The following VWA3B variants were observed in gnomAD, a reference collection of about 807,000 sequenced individuals.
VWA3B encodes von Willebrand factor A domain-containing protein 3B.
In VWA3B, 138 loss-of-function variants were observed where a neutral mutation model predicts 158.3. The ratio of observed to expected loss-of-function variants is 0.87; its 90% CI spans 0.76 to 1.00. The LOEUF (loss-of-function observed/expected upper bound fraction) is 1.00, where lower values mean the gene tolerates loss of function less well. Among genes scored for constraint, VWA3B ranks in the 50% least tolerant of loss-of-function variants. The pLI is 0.00. For missense variants in VWA3B, 1,555 were observed against 1,565.1 expected (o/e 0.99, Z 0.11); for synonymous variants, 596 against 587.3 (o/e 1.01, Z -0.21).
intron 7 of VWA3B, 61 bp from the exon 8 acceptor site, chr2:98,162,790 C>A: frequency 6.3e-7 from 1 of 1,593,274 alleles, no homozygotes; most frequent in Non-Finnish European, 8.5e-7. Flanking sequence ...GCCTGCTAGG[C>A]GGGCTGCCAC....
At chr2:98,172,123 C>T (rs926265086) in intron 8 of VWA3B, among the ~76,000 whole-genome samples, 2 of 152,212 alleles carry the variant, frequency 1.3e-5, no homozygotes, top group African/African-American at 2.4e-5. Flanking sequence ...TCTACCTTGT[C>T]GCAAGGACAG....
intron 19 of VWA3B, among the ~76,000 whole-genome samples, chr2:98,241,403 CAG>C (rs1686062014): frequency 6.6e-6 from 1 of 151,738 alleles, no homozygotes; most frequent in Non-Finnish European, 1.5e-5. Flanking sequence ...AGCTGGCACA[CAG>C]AGAATAGTTG....
chr2:98,147,220 T>A (rs1350167282), intron 7 of VWA3B, among the ~76,000 whole-genome samples: 1 of 152,194 alleles, frequency 6.6e-6, no homozygotes. Context: ...TTTCTAATTA[T>A]TGGACCAGGG....
chr2:98,162,161 C>T (rs187442222), intron 7 of VWA3B, among the ~76,000 whole-genome samples: 4 of 143,138 alleles, frequency 2.8e-5, no homozygotes, highest in Middle Eastern at 3.4e-3. Flanking sequence ...CATTTCCCCC[C>T]GGCCCACCCG....
At chr2:98,172,426 G>C (rs996848782) in intron 8 of VWA3B, among the ~76,000 whole-genome samples, 2 of 152,152 alleles carry the variant, frequency 1.3e-5, no homozygotes, top group African/African-American at 4.8e-5. Flanking sequence ...TTCCTCCTCC[G>C]ATATGCTCCT....
intron 7 of VWA3B, among the ~76,000 whole-genome samples, chr2:98,134,195 C>A (rs1352482253): frequency 6.6e-6 from 1 of 152,202 alleles, no homozygotes; most frequent in African/African-American, 2.4e-5. Context: ...AGATGTGGCC[C>A]TGGGCCTGTC....
intron 9 of VWA3B, among the ~76,000 whole-genome samples, chr2:98,185,945 A>C (rs753220247): frequency 3.9e-5 from 6 of 152,128 alleles, no homozygotes; most frequent in African/African-American, 7.2e-5. Context: ...TCAATTCCTC[A>C]GTCGAGTTGT....
Position 98,181,013 on chromosome 2 carries a change from C to T in VWA3B, c.1115-3C>T, listed in dbSNP as rs1378484246. ...GAATGGCTGACAAGCTGTGATTCTA[C>T]AGAGTCAGAAACAACCTCTGTTGAG... On this transcript the variant is annotated splice_polypyrimidine_tract_variant and splice_region_variant and intron_variant, in intron 8 of 27. Coordinates refer to ENST00000477737, the MANE Select transcript of VWA3B (RefSeq NM_144992.5). The T allele has an allele frequency of 1.9e-6, 3 of 1,613,644 alleles. No homozygotes were observed. In the Admixed American group the frequency reaches 5.0e-5, roughly 27 times the overall value.
chr2:98,157,770 G>A (rs995356108), intron 7 of VWA3B, among the ~76,000 whole-genome samples: 6 of 152,214 alleles, frequency 3.9e-5, no homozygotes, highest in Non-Finnish European at 8.8e-5. Flanking sequence ...GAGTCCTGGG[G>A]TTGGGCAGGG....
At chr2:98,265,107 T>C (rs1574231830) in intron 21 of VWA3B, among the ~76,000 whole-genome samples, 1 of 151,830 alleles carries the variant, frequency 6.6e-6, no homozygotes, top group South Asian at 2.1e-4. Flanking sequence ...GTTAGTTACA[T>C]ATGTATACAT....
intron 10 of VWA3B, among the ~76,000 whole-genome samples, chr2:98,191,249 A>G (rs1681546552): frequency 6.6e-6 from 1 of 152,176 alleles, no homozygotes; most frequent in Non-Finnish European, 1.5e-5. Context: ...CTTTTTGACC[A>G]TATGGGTTAT....
At position 98,179,279 on chromosome 2, in the gene VWA3B, G is replaced by A. The variant is rs145053070; in HGVS notation, c.1115-1737G>A. ...AAGTTTCGAGTCATCTGGAAAAATA[G>A]TTTTCTGCTTGTGTGATATGCTGGC... On this transcript the variant is annotated intron_variant, in intron 8 of 27. Coordinates refer to ENST00000477737, the MANE Select transcript of VWA3B (RefSeq NM_144992.5). 2.2e-4 allele frequency: 104 copies of A among 471,202 alleles called. 1 individual carries two copies. Among genetic ancestry groups the A allele is most frequent in the African/African-American group, 2.0e-3 (98 of 50,208 alleles). 29.2% of individuals were successfully genotyped at this position (471,202 alleles called of 1,614,324 possible).
At chr2:98,179,240 T>G (rs1339886566) in intron 8 of VWA3B, 2 of 471,110 alleles carry the variant, frequency 4.2e-6, no homozygotes, top group Non-Finnish European at 8.8e-6. Flanking sequence ...TCATTCTCCC[T>G]TAGGTGCTGT....
At chr2:98,279,932 G>A (rs1036808195) in intron 22 of VWA3B, among the ~76,000 whole-genome samples, 2 of 152,226 alleles carry the variant, frequency 1.3e-5, no homozygotes, top group African/African-American at 4.8e-5. Context: ...AGGAGTGGAT[G>A]TCTTGAAAAG....
At chr2:98,212,170 T>A in intron 13 of VWA3B, 142 bp downstream of exon 13, 1 of 613,686 alleles carries the variant, frequency 1.6e-6, no homozygotes, top group South Asian at 2.3e-5. Context: ...AGATCTGAGG[T>A]GAGAAAATAC....
chr2:98,206,918 T>G (rs1422138598), intron 12 of VWA3B: 1 of 446,028 alleles, frequency 2.2e-6, no homozygotes, highest in African/African-American at 2.0e-5. Flanking sequence ...GTTGTCAACT[T>G]AAAAAATGTT....
At position 98,234,691 on chromosome 2, in the gene VWA3B, C is replaced by T; in HGVS notation, c.2352C>T (p.Leu784=). The T allele has an allele frequency of 6.2e-7, 1 of 1,614,242 alleles. No individual in the cohort carries two copies. Among genetic ancestry groups the T allele is most frequent in the Non-Finnish European group, 8.5e-7 (1 of 1,180,032 alleles). The change falls in exon 17 of 28, where the codon CTC becomes CTT. Residue 784 remains leucine (L), a synonymous_variant. Coordinates refer to ENST00000477737, the MANE Select transcript of VWA3B (RefSeq NM_144992.5). ...TGCTCAGAAGCCAGATGTCCTCCCT[C>T]AGGAGCTCAGCTTGCAGTGAAAGGA... ...TSLLRSQMSS[L]RSSACSERKD...
At chr2:98,177,372 C>G (rs1375529504) in intron 8 of VWA3B, among the ~76,000 whole-genome samples, 1 of 152,082 alleles carries the variant, frequency 6.6e-6, no homozygotes, top group Non-Finnish European at 1.5e-5. Context: ...GCTCATACTT[C>G]TATAATAAAT....
intron 23 of VWA3B, among the ~76,000 whole-genome samples, chr2:98,294,282 C>T (rs1689670719): frequency 6.6e-6 from 1 of 150,842 alleles, no homozygotes; most frequent in Non-Finnish European, 1.5e-5. Flanking sequence ...TTGGTGACTC[C>T]TTTTCTGGTA....
Sources: gnomAD v4.1 joint callset for allele counts (sites outside exome capture counted in the v4.1 genomes callset) on GRCh38, gnomAD v4.1.1 for gene constraint, MANE v1.5 for transcripts, NCBI Gene and HGNC (gene_info 2026-07-23, HGNC 2026-07-21) for gene names.